PFKFB3: variants seen among roughly 807,000 people sequenced by gnomAD.
The protein encoded by PFKFB3 is 6-phosphofructo-2-kinase/fructose-2,6-biphosphatase 3.
PFKFB3 carries 33 observed loss-of-function variants against 68.0 expected under a neutral mutation model. That is an observed-to-expected ratio of 0.49 (90% confidence interval 0.37 to 0.65). The LOEUF is 0.65. Ranked by LOEUF, PFKFB3 falls within the 30% of genes least tolerant of loss-of-function variation. The pLI, the probability that PFKFB3 is intolerant of heterozygous loss-of-function variation, is 0.00. For missense variants in PFKFB3, 586 were observed against 712.2 expected, an observed-to-expected ratio of 0.82 and a Z score of 2.02; for synonymous variants, 315 against 288.2, an observed-to-expected ratio of 1.09 and a Z score of -0.94.
chr10:6,169,162 G>C (rs1842230175), intron 1 of PFKFB3, among the ~76,000 whole-genome samples: 1 of 152,070 alleles, frequency 6.6e-6, no homozygotes, highest in Non-Finnish European at 1.5e-5. Context: ...GGATGGTCTC[G>C]AACTCTTGAC....
the PFKFB3 span, among the ~76,000 whole-genome samples, chr10:6,298,384 T>C: frequency 6.6e-6 from 1 of 151,914 alleles, no homozygotes; most frequent in African/African-American, 2.4e-5. Context: ...TTTTTTTTTT[T>C]TTTCTTTTTT....
rs570257277 is a variant in PFKFB3, at chr10:6,229,039, C to A, written c.1515+2674C>A. Reference sequence around the variant, plus strand: ...AGCCACATGAAGTGTCATCCCCTTGCCCCCCCAAAAACACACCCGCCCCTT... The same window carrying A: ...AGCCACATGAAGTGTCATCCCCTTGACCCCCCAAAAACACACCCGCCCCTT... On this transcript the variant is annotated intron_variant, in intron 14 of 14. Transcript: ENST00000379775. This position sits in a 1 kb window ranked among gnomAD's most constrained non-coding sequence, Gnocchi z 4.3. The A allele has an allele frequency of 4.1e-6, 2 of 483,302 alleles. No individual in the cohort carries two copies. Among genetic ancestry groups the A allele is most frequent in the Non-Finnish European group, 8.6e-6 (2 of 233,658 alleles). The allele number at this position is 483,302 out of a possible 1,614,324, so 29.9% of individuals were successfully genotyped here.
chr10:6,270,463 C>G, the PFKFB3 span, among the ~76,000 whole-genome samples: 1 of 152,194 alleles, frequency 6.6e-6, no homozygotes, highest in African/African-American at 2.4e-5. Context: ...GACACACGTC[C>G]TAACCACAGC....
At chr10:6,323,612 G>A in the PFKFB3 span, among the ~76,000 whole-genome samples, 1 of 152,164 alleles carries the variant, frequency 6.6e-6, no homozygotes, top group East Asian at 1.9e-4. Context: ...CATACAGATT[G>A]AGAAATTTAC....
chr10:6,196,225 G>A (rs1000308354), intron 1 of PFKFB3, among the ~76,000 whole-genome samples: 2 of 151,464 alleles, frequency 1.3e-5, no homozygotes, highest in African/African-American at 2.4e-5. Flanking sequence ...TCCACCTCCC[G>A]GTTCAAGCGA....
chr10:6,311,025 A>G, the PFKFB3 span, among the ~76,000 whole-genome samples: 1 of 152,212 alleles, frequency 6.6e-6, no homozygotes, highest in Non-Finnish European at 1.5e-5. Flanking sequence ...ATGGAATTTC[A>G]TCTTCTTAGA....
chr10:6,234,616 G>A lies in PFKFB3; in HGVS notation c.*1674G>A, dbSNP rs1466965258. 1 of 152,234 alleles carries A rather than the reference G, an allele frequency of 6.6e-6. No individual in the cohort carries two copies. Among genetic ancestry groups the A allele is most frequent in the East Asian group, 1.9e-4 (1 of 5,314 alleles). The allele number at this position is 152,234 out of a possible 1,614,324, so 9.4% of individuals were successfully genotyped here. A position where few individuals can be genotyped will look rare whatever the true frequency, so the allele number is the denominator to read the frequency against. On this transcript the variant is annotated 3_prime_UTR_variant, in exon 15 of 15. Transcript: ENST00000379775. ...CTCGCGCAGTTTTCTCTCTCTCCCT[G>A]GATGTTGAGTCTCATCAGAATATGT...
At chr10:6,191,758 C>A (rs886599992) in intron 1 of PFKFB3, among the ~76,000 whole-genome samples, 1 of 152,208 alleles carries the variant, frequency 6.6e-6, no homozygotes, top group Non-Finnish European at 1.5e-5. Flanking sequence ...TTTCTACCTT[C>A]AAATCAGCAT....
upstream of PFKFB3, chr10:6,202,402 C>G (rs1843399887): frequency 6.6e-6 from 1 of 152,350 alleles, no homozygotes; most frequent in Non-Finnish European, 1.5e-5. Context: ...GATGGGCTCA[C>G]GGGTATTATC....
chr10:6,190,647 A>C (rs1451357702), intron 1 of PFKFB3, among the ~76,000 whole-genome samples: 2 of 152,204 alleles, frequency 1.3e-5, no homozygotes, highest in African/African-American at 4.8e-5. Flanking sequence ...ACAAAAAAAC[A>C]AAAACAAAAA....
the PFKFB3 span, among the ~76,000 whole-genome samples, chr10:6,314,876 G>T: frequency 6.6e-6 from 1 of 152,144 alleles, no homozygotes; most frequent in East Asian, 1.9e-4. Flanking sequence ...ACCCCAGGAC[G>T]TCTCTTCTCT....
chr10:6,186,109 T>C (rs146985697), intron 1 of PFKFB3, among the ~76,000 whole-genome samples: 248 of 152,280 alleles, frequency 1.6e-3, no homozygotes, highest in African/African-American at 5.7e-3. Context: ...CGGTGGTATA[T>C]GATGGAGAAA....
chr10:6,252,360 A>G (rs1007291989), intron 14 of PFKFB3, among the ~76,000 whole-genome samples: 50 of 152,354 alleles, frequency 3.3e-4, no homozygotes, highest in African/African-American at 1.2e-3. Context: ...ACAATAGTGT[A>G]TACTTGTGGA....
the PFKFB3 span, among the ~76,000 whole-genome samples, chr10:6,311,599 A>C: frequency 1.3e-5 from 2 of 152,040 alleles, no homozygotes; most frequent in East Asian, 3.9e-4. Context: ...AAATACAAAA[A>C]TTAGCCGAGT....
At chr10:6,259,570 T>TCCATCCATCCATC (rs370549015), downstream of PFKFB3, among the ~76,000 whole-genome samples, 29 of 28,632 alleles carry the variant, frequency 1.0e-3, no homozygotes, top group South Asian at 3.2e-3. Flanking sequence ...ATCCATCCAC[T>TCCATCCATCCATC]CATCCATCCA....
At chr10:6,302,418 G>T in the PFKFB3 span, among the ~76,000 whole-genome samples, 35 of 110,716 alleles carry the variant, frequency 3.2e-4, no homozygotes, top group African/African-American at 1.2e-3. Flanking sequence ...GTCTTGTTCT[G>T]TTGCCCAGGC....
chr10:6,257,657 G>A (rs1219384354), downstream of PFKFB3, among the ~76,000 whole-genome samples: 2 of 152,186 alleles, frequency 1.3e-5, no homozygotes, highest in African/African-American at 4.8e-5. Context: ...GGCATGTCCT[G>A]TGCCATGGAG....
At position 6,229,302 on chromosome 10, in the gene PFKFB3, G is replaced by A. The variant is rs547887996; in HGVS notation, c.1515+2937G>A. 89 of 400,096 alleles carry A rather than the reference G, an allele frequency of 2.2e-4. 1 individual carries two copies. Among genetic ancestry groups the A allele is most frequent in the East Asian group, 9.0e-4 (12 of 13,402 alleles). The allele number at this position is 400,096 out of a possible 1,614,324, so 24.8% of individuals were successfully genotyped here. On this transcript the variant is annotated intron_variant, in intron 14 of 14. Transcript: ENST00000379775. This position sits in a 1 kb window ranked among gnomAD's most constrained non-coding sequence, Gnocchi z 4.3. ...AGGTCGGCAGGGCAGTCAGTCCCCC[G>A]TTTAATGGTTGAGGGGCTGAGTGAC...
At chr10:6,299,721 A>G in the PFKFB3 span, among the ~76,000 whole-genome samples, 2 of 151,904 alleles carry the variant, frequency 1.3e-5, no homozygotes, top group Non-Finnish European at 2.9e-5. Flanking sequence ...AGAACCCCTT[A>G]CCTCCAACCT....
Sources: gnomAD v4.1 joint callset for allele counts (sites outside exome capture counted in the v4.1 genomes callset) on GRCh38, gnomAD v4.1.1 for gene constraint, Gnocchi (gnomAD v3.1) non-coding constraint, MANE v1.5 for transcripts, NCBI Gene and HGNC (gene_info 2026-07-23, HGNC 2026-07-21) for gene names.